PRKCE: variants seen among roughly 807,000 people sequenced by gnomAD.
PRKCE encodes the protein protein kinase C epsilon.
PRKCE carries 16 observed loss-of-function variants against 85.4 expected under a neutral mutation model. That is an observed-to-expected ratio of 0.19 (90% CI 0.13 to 0.28). The LOEUF is 0.28. Ranked by LOEUF, PRKCE falls within the 10% of genes least tolerant of loss-of-function variation. The probability of loss-of-function intolerance (pLI) is 1.00; values close to 1 mark genes in which losing one functional copy is unlikely to be tolerated. For missense variants in PRKCE, 573 were observed against 975.2 expected, an observed-to-expected ratio of 0.59 and a Z score of 5.49; for synonymous variants, 388 against 371.5, an observed-to-expected ratio of 1.04 and a Z score of -0.51.
chr2:45,781,629 C>T (rs1345735599), intron 1 of PRKCE, among the ~76,000 whole-genome samples: 1 of 152,128 alleles, frequency 6.6e-6, no homozygotes, highest in Non-Finnish European at 1.5e-5. Context: ...GATGCAGGGC[C>T]TCCACCCGCG....
chr2:45,908,860 G>C (rs550026915), intron 2 of PRKCE, among the ~76,000 whole-genome samples: 3 of 152,258 alleles, frequency 2.0e-5, no homozygotes, highest in Non-Finnish European at 4.4e-5. Context: ...CAGACAGGCT[G>C]TACAGTGGGC....
At chr2:46,162,356 C>T (rs74751598) in intron 14 of PRKCE, among the ~76,000 whole-genome samples, 1 of 152,196 alleles carries the variant, frequency 6.6e-6, no homozygotes, top group African/African-American at 2.4e-5. Context: ...GTCCTTATCA[C>T]CCCCTGAGAG....
chr2:45,868,702 C>T (rs1203737051), intron 2 of PRKCE, among the ~76,000 whole-genome samples: 1 of 144,188 alleles, frequency 6.9e-6, no homozygotes, highest in African/African-American at 2.6e-5. Context: ...GGAGGCAGGC[C>T]GAGGTGGGCG....
chr2:45,927,419 T>C (rs1482027222), intron 2 of PRKCE, among the ~76,000 whole-genome samples: 4 of 152,150 alleles, frequency 2.6e-5, no homozygotes. Context: ...GCAGGTATTA[T>C]CTCCATTTTT....
At chr2:46,072,354 C>T (rs1157714761) in intron 10 of PRKCE, among the ~76,000 whole-genome samples, 2 of 152,158 alleles carry the variant, frequency 1.3e-5, no homozygotes, top group Non-Finnish European at 1.5e-5. Context: ...ATTTTAATTT[C>T]GGCTTTATTA....
chr2:45,723,556 C>G (rs1385122570), intron 1 of PRKCE, among the ~76,000 whole-genome samples: 1 of 152,186 alleles, frequency 6.6e-6, no homozygotes, highest in East Asian at 1.9e-4. Flanking sequence ...TGTGGATTCT[C>G]TGCTACTCAG....
At chr2:45,817,676 A>G (rs1689187903) in intron 1 of PRKCE, among the ~76,000 whole-genome samples, 2 of 152,176 alleles carry the variant, frequency 1.3e-5, no homozygotes, top group South Asian at 4.1e-4. Context: ...CCTGGGCAAC[A>G]GAGCGAGACT....
intron 1 of PRKCE, among the ~76,000 whole-genome samples, chr2:45,830,090 A>G (rs1467652073): frequency 7.8e-6 from 1 of 127,784 alleles, no homozygotes; most frequent in South Asian, 2.6e-4. Context: ...AAAAAAAAAA[A>G]AAAAAAATTG....
At position 45,863,853 on chromosome 2, in the gene PRKCE, C is replaced by T. The variant is rs746386500; in HGVS notation, c.412+20790C>T. ...GAAGGGCTAAGCTAGACAGTAGGGA[C>T]GGGAATGGTGCGCCTGGCTGCACTG... On this transcript the variant is annotated intron_variant, in intron 2 of 14. Transcript: ENST00000306156. Among the ~76,000 whole-genome samples the T allele has an allele frequency of 1.1e-4, 16 of 151,890 alleles. No homozygotes were observed. In the East Asian group the frequency reaches 2.1e-3, roughly 20 times the overall value.
chr2:45,732,652 A>T (rs773282724), intron 1 of PRKCE, among the ~76,000 whole-genome samples: 7 of 152,158 alleles, frequency 4.6e-5, no homozygotes, highest in East Asian at 1.9e-4. Context: ...AAATCCAGCT[A>T]CACATAGCTT....
At position 45,992,768 on chromosome 2, in the gene PRKCE, G is replaced by A. The variant is rs150618260; in HGVS notation, c.823+8088G>A. On this transcript the variant is annotated intron_variant, in intron 6 of 14. Transcript: ENST00000306156. ...TGGCCTGCCTTTTGCTTCAATCTCA[G>A]CTATAAAAAGGGTGGAAACATGGAA... is the stretch of plus-strand genomic sequence containing the variant. 1.1e-3 allele frequency among the ~76,000 whole-genome samples: 170 copies of A among 152,266 alleles called. 1 individual carries two copies. The highest frequency in any genetic ancestry group is 4.0e-3 in the African/African-American group (165 of 41,556).
intron 1 of PRKCE, among the ~76,000 whole-genome samples, chr2:45,814,539 G>A (rs1051013489): frequency 2.6e-5 from 4 of 152,262 alleles, no homozygotes; most frequent in Admixed American, 2.6e-4. Context: ...AACCAGGAAG[G>A]CAAATAAAAC....
chr2:45,758,948 A>G (rs1684221057), intron 1 of PRKCE, among the ~76,000 whole-genome samples: 1 of 152,168 alleles, frequency 6.6e-6, no homozygotes, highest in Non-Finnish European at 1.5e-5. Context: ...TGTCTTGAAC[A>G]AGGGAGTGAT....
intron 6 of PRKCE, 151 bp downstream of exon 6, chr2:45,984,831 T>G: frequency 1.7e-6 from 2 of 1,172,118 alleles, no homozygotes; most frequent in Non-Finnish European, 2.3e-6. Flanking sequence ...AGTAACTCTG[T>G]GCATTTGGTA....
chr2:45,691,698 C>G (rs771753165), intron 1 of PRKCE, among the ~76,000 whole-genome samples: 1 of 152,188 alleles, frequency 6.6e-6, no homozygotes, highest in Non-Finnish European at 1.5e-5. Flanking sequence ...TTTAATGAAT[C>G]TAATTTCTGC....
rs529503044 is a variant in PRKCE, at chr2:46,167,258, C to T, written c.2067+7506C>T. On this transcript the variant is annotated intron_variant, in intron 14 of 14. Coordinates refer to ENST00000306156, the MANE Select transcript of PRKCE (RefSeq NM_005400.3). ...TCACCACTTCTCTCTGAGCCTCGGT[C>T]TGCTGATCATAGCATGGGGGTTATA... Among the ~76,000 whole-genome samples, 4 of 152,300 alleles carry T rather than the reference C, an allele frequency of 2.6e-5. No homozygotes were observed. The South Asian group carries it at 8.3e-4, about 32-fold the overall frequency.
At chr2:45,928,147 T>C (rs1698768950) in intron 2 of PRKCE, among the ~76,000 whole-genome samples, 1 of 152,200 alleles carries the variant, frequency 6.6e-6, no homozygotes, top group Admixed American at 6.5e-5. Flanking sequence ...TTCTAGTTGT[T>C]CTGTGTTGTG....
intron 1 of PRKCE, among the ~76,000 whole-genome samples, chr2:45,722,872 G>A (rs559431380): frequency 9.5e-4 from 144 of 152,280 alleles, no homozygotes; most frequent in Middle Eastern, 3.4e-3. Context: ...AGGCCGAGGT[G>A]GGCAGATCAC....
At chr2:45,716,683 GA>G (rs1446104833) in intron 1 of PRKCE, among the ~76,000 whole-genome samples, 63 of 128,406 alleles carry the variant, frequency 4.9e-4, no homozygotes, top group African/African-American at 1.4e-3. Flanking sequence ...AGAAGAAGAA[GA>G]AGAAGAGAAG....
Sources: gnomAD v4.1 joint callset for allele counts (sites outside exome capture counted in the v4.1 genomes callset) on GRCh38, gnomAD v4.1.1 for gene constraint, MANE v1.5 for transcripts, NCBI Gene and HGNC (gene_info 2026-07-23, HGNC 2026-07-21) for gene names.